The following TRPM3 variants were observed in gnomAD, a reference collection of about 807,000 sequenced individuals.
The protein encoded by TRPM3 is long transient receptor potential channel 3.
Under a neutral mutation model 181.2 loss-of-function variants are expected in TRPM3, and 77 were observed. The observed-to-expected ratio is 0.42, with a 90% CI of 0.35 to 0.51. The LOEUF (loss-of-function observed/expected upper bound fraction) is 0.51, where lower values mean the gene tolerates loss of function less well. TRPM3 is among the 20% of genes least tolerant of loss of function. The pLI is 0.01. For missense variants in TRPM3, 1,759 were observed against 2,196.7 expected, an observed-to-expected ratio of 0.80 and a Z score of 3.98; for synonymous variants, 745 against 796.4, an observed-to-expected ratio of 0.94 and a Z score of 1.09.
intron 1 of TRPM3, among the ~76,000 whole-genome samples, chr9:71,049,814 G>C (rs1310418431): frequency 6.6e-6 from 1 of 152,146 alleles, no homozygotes; most frequent in Non-Finnish European, 1.5e-5. Flanking sequence ...CATTTCCTCT[G>C]TTTTCTAGTT....
chr9:71,260,391 T>C (rs980377071), intron 1 of TRPM3, among the ~76,000 whole-genome samples: 8 of 152,196 alleles, frequency 5.3e-5, no homozygotes, highest in African/African-American at 1.9e-4. Context: ...ATATCAAATT[T>C]AAAGTAGTTT....
At chr9:70,761,440 A>G (rs1283586719) in intron 8 of TRPM3, 161 bp downstream of exon 8, 1 of 865,642 alleles carries the variant, frequency 1.2e-6, no homozygotes, top group South Asian at 1.4e-5. Context: ...GCAGTGTCTT[A>G]GTTACTTAGG....
At chr9:70,684,627 C>G (rs1005021781) in intron 8 of TRPM3, among the ~76,000 whole-genome samples, 2 of 152,090 alleles carry the variant, frequency 1.3e-5, no homozygotes, top group African/African-American at 4.8e-5. Context: ...TAAGGCCTTC[C>G]TTTCCTATCA....
chr9:71,192,325 T>C (rs918447254), intron 1 of TRPM3, among the ~76,000 whole-genome samples: 1 of 151,758 alleles, frequency 6.6e-6, no homozygotes, highest in African/African-American at 2.4e-5. Flanking sequence ...GAAGTTTTGC[T>C]CTCTGAAAGC....
intron 1 of TRPM3, among the ~76,000 whole-genome samples, chr9:71,043,415 G>T (rs771613961): frequency 1.3e-5 from 2 of 152,158 alleles, no homozygotes; most frequent in Non-Finnish European, 2.9e-5. Context: ...GAAATGACTA[G>T]TGATTATCTT....
intron 22 of TRPM3, among the ~76,000 whole-genome samples, chr9:70,567,516 A>T (rs570721398): frequency 6.6e-6 from 1 of 151,860 alleles, no homozygotes; most frequent in South Asian, 2.1e-4. Context: ...TCTAACCTAC[A>T]TTTTTTTTTA....
intron 1 of TRPM3, among the ~76,000 whole-genome samples, chr9:71,027,677 A>G (rs1191388525): frequency 6.6e-6 from 1 of 152,250 alleles, no homozygotes; most frequent in Non-Finnish European, 1.5e-5. Flanking sequence ...AATTGCAAGT[A>G]TTAGCAGCAG....
intron 1 of TRPM3, among the ~76,000 whole-genome samples, chr9:71,008,488 T>C (rs1297415565): frequency 2.6e-5 from 4 of 152,112 alleles, no homozygotes; most frequent in Non-Finnish European, 5.9e-5. Context: ...ATATCCCAGA[T>C]GAACATAGAT....
chr9:71,313,576 C>T (rs2132416458), intron 1 of TRPM3, among the ~76,000 whole-genome samples: 1 of 152,156 alleles, frequency 6.6e-6, no homozygotes, highest in East Asian at 1.9e-4. Context: ...TTTTCTTGAC[C>T]TATCACAGTT....
chr9:70,587,935 G>A (rs1201379162), intron 22 of TRPM3, among the ~76,000 whole-genome samples: 2 of 152,118 alleles, frequency 1.3e-5, no homozygotes, highest in African/African-American at 2.4e-5. Flanking sequence ...CGGGTAGAGC[G>A]GACAGTCACT....
intron 1 of TRPM3, among the ~76,000 whole-genome samples, chr9:71,402,027 A>C (rs1319120332): frequency 6.6e-6 from 1 of 152,206 alleles, no homozygotes; most frequent in African/African-American, 2.4e-5. Flanking sequence ...TTTTTGTATC[A>C]GAAGTGTTTC....
At chr9:71,021,234 T>C (rs962513453) in intron 1 of TRPM3, among the ~76,000 whole-genome samples, 1 of 152,202 alleles carries the variant, frequency 6.6e-6, no homozygotes, top group African/African-American at 2.4e-5. Flanking sequence ...GAACAAGTGG[T>C]GACTGAGGTA....
intron 8 of TRPM3, chr9:70,760,976 A>T (rs540695038): frequency 3.8e-5 from 6 of 159,586 alleles, no homozygotes; most frequent in Admixed American, 1.8e-4. Context: ...ATGCATAAAG[A>T]TCTTGCTCCC....
intron 1 of TRPM3, among the ~76,000 whole-genome samples, chr9:71,388,466 G>A (rs2092981145): frequency 6.6e-6 from 1 of 152,018 alleles, no homozygotes; most frequent in Non-Finnish European, 1.5e-5. Context: ...GCGTGGAATT[G>A]GCTGTATTAT....
chr9:71,405,281 A>C (rs968322718), intron 1 of TRPM3, among the ~76,000 whole-genome samples: 2 of 152,242 alleles, frequency 1.3e-5, no homozygotes, highest in African/African-American at 4.8e-5. Context: ...CTATACATAC[A>C]GCAAAGTGCA....
At chr9:70,966,798 C>T (rs183089553) in intron 1 of TRPM3, among the ~76,000 whole-genome samples, 6 of 152,000 alleles carry the variant, frequency 3.9e-5, no homozygotes, top group Admixed American at 1.3e-4. Context: ...CAGCTTAATA[C>T]CTGGGTGATA....
At chr9:71,293,050 A>G (rs529786922) in intron 1 of TRPM3, among the ~76,000 whole-genome samples, 1 of 152,080 alleles carries the variant, frequency 6.6e-6, no homozygotes, top group Admixed American at 6.5e-5. Context: ...AAAAGTCTAC[A>G]TATTCATCTC....
At chr9:71,110,479 C>T (rs930037288) in intron 1 of TRPM3, among the ~76,000 whole-genome samples, 7 of 152,040 alleles carry the variant, frequency 4.6e-5, no homozygotes, top group Non-Finnish European at 8.8e-5. Context: ...TTTCATGCTT[C>T]GATGTAATAT....
intron 9 of TRPM3, among the ~76,000 whole-genome samples, chr9:70,647,161 A>G (rs1022610973): frequency 7.2e-5 from 11 of 152,292 alleles, no homozygotes; most frequent in African/African-American, 2.4e-4. Context: ...CAAAAATTGA[A>G]GAGGAATGAT....
Sources: allele counts gnomAD v4.1 joint callset (sites outside exome capture counted in the v4.1 genomes callset), GRCh38; gene constraint gnomAD v4.1.1; transcripts MANE v1.5; gene names NCBI Gene and HGNC (gene_info 2026-07-23, HGNC 2026-07-21).